AP3D1: variants seen among roughly 807,000 people sequenced by gnomAD.
The protein encoded by AP3D1 is AP-3 complex subunit delta-1.
In AP3D1, 51 loss-of-function variants were observed where a neutral mutation model predicts 147.6. That is an observed-to-expected ratio of 0.35 (90% confidence interval 0.28 to 0.44). The LOEUF (loss-of-function observed/expected upper bound fraction) is 0.44. AP3D1 is among the 20% of genes least tolerant of loss of function. AP3D1 has a pLI of 1.00. For missense variants in AP3D1, 1,421 were observed against 1,624.2 expected, an observed-to-expected ratio of 0.87 and a Z score of 2.15; for synonymous variants, 760 against 663.0, an observed-to-expected ratio of 1.15 and a Z score of -2.25.
At chr19:2,116,966 G>C in intron 16 of AP3D1, 1 of 810,670 alleles carries the variant, frequency 1.2e-6, no homozygotes, top group South Asian at 2.1e-5. Context: ...CCCACGGCAG[G>C]CTCAGGCTGC....
chr19:2,104,641 C>T (rs995276491), intron 31 of AP3D1, among the ~76,000 whole-genome samples: 38 of 150,842 alleles, frequency 2.5e-4, no homozygotes, highest in Admixed American at 7.3e-4. Flanking sequence ...CCAAGGTGGA[C>T]GGACACTAGG....
Position 2,116,636 on chromosome 19 carries a change from G to A in AP3D1, c.1970C>T (p.Pro657Leu), listed in dbSNP as rs749435557. 8.7e-6 allele frequency: 14 copies of A among 1,602,612 alleles called. No homozygotes were observed. The highest frequency in any genetic ancestry group is 4.0e-5 in the African/African-American group (3 of 74,690). The change falls in exon 17 of 32, where the codon CCG (proline) becomes CTG (leucine). Residue 657 changes from proline to leucine, a missense_variant. Pro to Leu is a moderately conservative substitution (Grantham distance 98, BLOSUM62 -3). This residue lies in a region of AP3D1 where 791 missense variants were observed against 761.4 expected (regional missense o/e 1.04). Coordinates refer to ENST00000643116, the MANE Select transcript of AP3D1 (RefSeq NM_001261826.3). ...EEEQRRPKHRPSEADEEELAR... is the reference protein window; with the variant it reads ...EEEQRRPKHRLSEADEEELAR... The stretch of plus-strand genomic sequence containing the variant: ...CAGCTCTTCCTCGTCCGCCTCCGAC[G>A]GCCGGTGCTTGGGACGCCGCTGCTC...
intron 2 of AP3D1, among the ~76,000 whole-genome samples, chr19:2,138,065 T>C (rs2019123305): frequency 6.6e-6 from 1 of 152,198 alleles, no homozygotes; most frequent in African/African-American, 2.4e-5. Context: ...AACTGGCGCT[T>C]ACGGGTACTG....
chr19:2,139,438 G>A (rs1010063707), intron 1 of AP3D1, among the ~76,000 whole-genome samples: 7 of 152,164 alleles, frequency 4.6e-5, no homozygotes, highest in African/African-American at 1.2e-4. Flanking sequence ...CACTAACTGC[G>A]CGTGTCTCCA....
chr19:2,136,968 G>T, intron 4 of AP3D1, 43 bp downstream of exon 4: 2 of 1,527,096 alleles, frequency 1.3e-6, no homozygotes, highest in South Asian at 1.2e-5. Flanking sequence ...GGCAAGGGCA[G>T]ACTGCACTCA....
At chr19:2,124,335 G>T (rs2018693036) in intron 9 of AP3D1, among the ~76,000 whole-genome samples, 1 of 152,184 alleles carries the variant, frequency 6.6e-6, no homozygotes, top group African/African-American at 2.4e-5. Context: ...CTGAAAGAAG[G>T]CTCTAGAAGC....
chr19:2,136,915 A>T, intron 4 of AP3D1, 96 bp downstream of exon 4: 2 of 1,176,514 alleles, frequency 1.7e-6, no homozygotes. Context: ...GGCCACAGGC[A>T]CCTGCTGCCC....
In AP3D1 at chr19:2,102,248, G is replaced by T. The variant is rs375471632; in HGVS notation, c.3573C>A (p.Val1191=). 3 of 1,613,628 alleles carry T rather than the reference G, an allele frequency of 1.9e-6. No homozygotes were observed. The highest frequency in any genetic ancestry group is 1.3e-5 in the African/African-American group (1 of 75,012). ...LVKKGENSVS[V]DGKCSDSTLL... is the part of the protein sequence containing the mutation. ...GCGTGGAGTCACTGCACTTCCCGTC[G>T]ACTGAGACAGAGTTCTCACCCTGTG... is the stretch of plus-strand genomic sequence containing the variant. The change falls in exon 32 of 32, where the codon GTC becomes GTA. Residue 1191 remains valine, a synonymous_variant. Transcript: ENST00000643116.
intron 1 of AP3D1, among the ~76,000 whole-genome samples, chr19:2,160,478 A>T (rs1248155510): frequency 6.6e-6 from 1 of 152,064 alleles, no homozygotes; most frequent in Non-Finnish European, 1.5e-5. Context: ...GGGTTGCAGT[A>T]AGCCAAGATC....
chr19:2,153,075 AAGGC>A (rs1394411635), upstream of AP3D1, among the ~76,000 whole-genome samples: 1 of 150,784 alleles, frequency 6.6e-6, no homozygotes. Context: ...AAAAAAAAAA[AAGGC>A]AGGGGGAGGG....
At chr19:2,107,882 G>T (rs1008781438) in intron 31 of AP3D1, among the ~76,000 whole-genome samples, 2 of 152,172 alleles carry the variant, frequency 1.3e-5, no homozygotes, top group Non-Finnish European at 2.9e-5. Context: ...GCACCGCCAC[G>T]CGTCAACTCA....
intron 4 of AP3D1, among the ~76,000 whole-genome samples, chr19:2,134,571 C>G (rs1262629142): frequency 7.0e-6 from 1 of 142,580 alleles, no homozygotes; most frequent in African/African-American, 2.5e-5. Context: ...CCTGTCTGTA[C>G]TAAAAATACC....
At chr19:2,137,666 A>G in intron 3 of AP3D1, 61 bp downstream of exon 3, 1 of 1,425,528 alleles carries the variant, frequency 7.0e-7, no homozygotes, top group Non-Finnish European at 9.8e-7. Context: ...TTGGCCAGTC[A>G]CGGTGCCTCA....
rs10414505 is a variant in AP3D1 at position 2,124,035 on chromosome 19, T to C, written c.857-156A>G. 0.032 allele frequency among the ~76,000 whole-genome samples: 4,903 copies of C among 152,244 alleles called. 273 individuals are homozygous for C. Among genetic ancestry groups the C allele is most frequent in the African/African-American group, 0.11 (4,614 of 41,534 alleles). Reference sequence around the variant, plus strand: ...TTTGGGACCACGCAGCCCAACTGTGTTTGCAAAAACCTAGCTCCATCACAG... The same window carrying C: ...TTTGGGACCACGCAGCCCAACTGTGCTTGCAAAAACCTAGCTCCATCACAG... On this transcript the variant is annotated intron_variant, in intron 9 of 31. Transcript: ENST00000643116.
chr19:2,164,380 C>G, exon 1 of AP3D1: 3 of 638,320 alleles, frequency 4.7e-6, no homozygotes, highest in Non-Finnish European at 6.6e-6. Flanking sequence ...GAACGGAGAC[C>G]CTGGACTCCA....
Position 2,108,777 on chromosome 19 carries a change from G to A in AP3D1, c.3473-11C>T, listed in dbSNP as rs770466874. ...CCACTCGCTCCACAACTGCAACAGA[G>A]CGGGCAGTGTTAGGCTTCCCGGACA... On this transcript the variant is annotated splice_polypyrimidine_tract_variant and intron_variant, in intron 30 of 31. Transcript: ENST00000643116. 1.9e-6 allele frequency: 3 copies of A among 1,560,302 alleles called. No homozygotes were observed. Among genetic ancestry groups the A allele is most frequent in the Non-Finnish European group, 2.6e-6 (3 of 1,152,174 alleles).
At chr19:2,140,282 GTGGAGT>G (rs894436783) in intron 1 of AP3D1, among the ~76,000 whole-genome samples, 1 of 152,150 alleles carries the variant, frequency 6.6e-6, no homozygotes, top group African/African-American at 2.4e-5. Flanking sequence ...ACGGTTCCAT[GTGGAGT>G]TACCGCCCCA....
At chr19:2,155,043 G>A (rs12985850), upstream of AP3D1, among the ~76,000 whole-genome samples, 43,654 of 151,946 alleles carry the variant, frequency 0.29, 7,795 homozygotes, top group Non-Finnish European at 0.41. Context: ...AGCCGGGCGT[G>A]GTGGCGAGCA....
At chr19:2,132,972 T>C (rs1177992040) in intron 4 of AP3D1, among the ~76,000 whole-genome samples, 1 of 152,126 alleles carries the variant, frequency 6.6e-6, no homozygotes, top group Non-Finnish European at 1.5e-5. Flanking sequence ...TCAACCGAGT[T>C]TCCTGGCACC....
Sources: gnomAD v4.1 joint callset for allele counts (sites outside exome capture counted in the v4.1 genomes callset) on GRCh38, gnomAD v4.1.1 for gene constraint, gnomAD v4.1.1 regional missense constraint, MANE v1.5 for transcripts, NCBI Gene and HGNC (gene_info 2026-07-23, HGNC 2026-07-21) for gene names.